The following TRERF1 variants were observed in gnomAD, a reference collection of about 807,000 sequenced individuals.
TRERF1 encodes the protein transcriptional-regulating factor 1.
Under a neutral mutation model 122.9 loss-of-function variants are expected in TRERF1, and 27 were observed. The observed-to-expected ratio is 0.22, with a 90% CI of 0.16 to 0.30. The LOEUF is 0.30. TRERF1 is among the 10% of genes least tolerant of loss of function. The pLI, the probability that TRERF1 is intolerant of heterozygous loss-of-function variation, is 1.00. For synonymous variants in TRERF1, 636 were observed against 641.7 expected (o/e 0.99, Z 0.13); for missense variants, 1,248 against 1,560.3 (o/e 0.80, Z 3.37).
intron 3 of TRERF1, among the ~76,000 whole-genome samples, chr6:42,359,448 A>G (rs983650130): frequency 6.6e-6 from 1 of 152,198 alleles, no homozygotes; most frequent in Admixed American, 6.5e-5. Flanking sequence ...AAAAATCGCT[A>G]GGTGCAGTGG....
At chr6:42,337,156 G>A (rs1381867543) in intron 3 of TRERF1, among the ~76,000 whole-genome samples, 3 of 152,192 alleles carry the variant, frequency 2.0e-5, no homozygotes, top group South Asian at 2.1e-4. Flanking sequence ...TACCCTGGAC[G>A]CTGCCCAAGA....
At position 42,263,294 on chromosome 6, in the gene TRERF1, T is replaced by C; in HGVS notation, c.1884+26A>G. ...GCGGGGGGCAGCCCCTTGGGGTGAG[T>C]GTGGGGGAGAGAGGGTCATCCTCAC... On this transcript the variant is annotated intron_variant, in intron 8 of 17. Coordinates refer to ENST00000372922, the Ensembl canonical transcript of TRERF1. The surrounding 1 kb of genome is among the most constrained non-coding windows in gnomAD (Gnocchi z 5.6). 1 of 1,596,026 alleles carries C rather than the reference T, an allele frequency of 6.3e-7. No homozygotes were observed. The highest frequency in any genetic ancestry group is 8.5e-7 in the Non-Finnish European group (1 of 1,170,312).
At chr6:42,373,489 A>T (rs1774161688) in intron 2 of TRERF1, among the ~76,000 whole-genome samples, 1 of 152,078 alleles carries the variant, frequency 6.6e-6, no homozygotes, top group African/African-American at 2.4e-5. Context: ...AACACAGTGA[A>T]ACCCCGTCTC....
intron 2 of TRERF1, among the ~76,000 whole-genome samples, chr6:42,389,059 A>G (rs1433562717): frequency 6.6e-6 from 1 of 152,222 alleles, no homozygotes; most frequent in East Asian, 1.9e-4. Context: ...AGAATGACAA[A>G]GACAAAATAC....
At chr6:42,437,961 T>C (rs558286358) in intron 2 of TRERF1, among the ~76,000 whole-genome samples, 108 of 152,080 alleles carry the variant, frequency 7.1e-4, no homozygotes, top group African/African-American at 2.4e-3. Flanking sequence ...TTACTCTGTC[T>C]CCCAGGTTCG....
At chr6:42,310,859 T>A (rs1487675814) in intron 3 of TRERF1, among the ~76,000 whole-genome samples, 1 of 152,162 alleles carries the variant, frequency 6.6e-6, no homozygotes, top group Non-Finnish European at 1.5e-5. Flanking sequence ...GTTTCCAGAA[T>A]AATCTATAAA....
intron 2 of TRERF1, among the ~76,000 whole-genome samples, chr6:42,383,046 C>A (rs1413524926): frequency 6.6e-6 from 1 of 152,040 alleles, no homozygotes; most frequent in African/African-American, 2.4e-5. Context: ...GATAGCAAGA[C>A]CCTGGCTCTC....
At chr6:42,423,747 C>A (rs1399784540) in intron 2 of TRERF1, among the ~76,000 whole-genome samples, 99 of 152,234 alleles carry the variant, frequency 6.5e-4, no homozygotes. Context: ...GTTTCCAAAG[C>A]AATGACAAAA....
chr6:42,392,931 T>TACACACACAC (rs58784390), intron 2 of TRERF1, among the ~76,000 whole-genome samples: 7,718 of 147,966 alleles, frequency 0.052, 481 homozygotes, highest in African/African-American at 0.15. Context: ...TACACACACA[T>TACACACACAC]ACACACACAC....
At chr6:42,373,783 A>G (rs1774240519) in intron 2 of TRERF1, among the ~76,000 whole-genome samples, 1 of 150,474 alleles carries the variant, frequency 6.6e-6, no homozygotes, top group Non-Finnish European at 1.5e-5. Flanking sequence ...GTGAGCCAAG[A>G]TTGCACCATT....
chr6:42,411,422 G>A (rs761946051), intron 2 of TRERF1, among the ~76,000 whole-genome samples: 32 of 152,198 alleles, frequency 2.1e-4, no homozygotes, highest in Admixed American at 1.4e-3. Flanking sequence ...ACAGGACAGG[G>A]TCTTGGTCCC....
chr6:42,352,532 A>C (rs2150842824), intron 3 of TRERF1, among the ~76,000 whole-genome samples: 1 of 152,356 alleles, frequency 6.6e-6, no homozygotes, highest in South Asian at 2.1e-4. Flanking sequence ...TGAAATCTTA[A>C]AATAGTGAAT....
intron 2 of TRERF1, among the ~76,000 whole-genome samples, chr6:42,438,331 C>T (rs902169576): frequency 1.6e-4 from 24 of 147,826 alleles, no homozygotes; most frequent in African/African-American, 3.9e-4. Context: ...TCCCCCTGGC[C>T]GGGGGCGGTG....
rs78813717 is a variant in TRERF1, at chr6:42,236,244, G to A, written c.3027C>T (p.Pro1009=). 1,069 of 1,608,148 alleles carry A rather than the reference G, an allele frequency of 6.6e-4. 3 individuals carry two copies. The African/African-American group carries it at 6.7e-3, about 10-fold the overall frequency. Residue 1009 remains proline (P), a synonymous_variant, in exon 16 of 18, where the codon CCC becomes CCT. Transcript: ENST00000372922. ...GCATTTCACAGATGAAGGAGCCTGA[G>A]GGCTGGCCCAGGGCCTGCAGGGGCG...
At chr6:42,229,328 G>C (rs1487613989) in intron 17 of TRERF1, among the ~76,000 whole-genome samples, 2 of 152,048 alleles carry the variant, frequency 1.3e-5, no homozygotes, top group African/African-American at 4.8e-5. Flanking sequence ...TGTAGAGATG[G>C]AGTCTTGCTA....
In TRERF1 at chr6:42,268,713, T is replaced by C; in HGVS notation, c.878A>G (p.Gln293Arg). The change falls in exon 5 of 18, where the codon CAA becomes CGA. Residue 293 changes from glutamine to arginine, a missense_variant. Physicochemically the swap from Gln to Arg is conservative, Grantham distance 43 (BLOSUM62 1). Transcript: ENST00000372922. This position sits in a 1 kb window ranked among gnomAD's most constrained non-coding sequence, Gnocchi z 4.4. ...CTGTGGCTGTGATGGGCGAATTTGTTGCGGCTGCGTCTGTATTTCTTGCAT... is the reference window on the plus strand; with the variant it reads ...CTGTGGCTGTGATGGGCGAATTTGTCGCGGCTGCGTCTGTATTTCTTGCAT... The C allele has an allele frequency of 6.2e-7, 1 of 1,614,028 alleles. No individual in the cohort carries two copies. The highest frequency in any genetic ancestry group is 2.2e-5 in the East Asian group (1 of 44,892).
chr6:42,301,987 A>G (rs1007734928), intron 3 of TRERF1, among the ~76,000 whole-genome samples: 1 of 152,134 alleles, frequency 6.6e-6, no homozygotes, highest in Non-Finnish European at 1.5e-5. Flanking sequence ...CTGTTTGGAG[A>G]TAGGTGGTGG....
At chr6:42,294,680 C>T (rs1014588710) in intron 4 of TRERF1, among the ~76,000 whole-genome samples, 3 of 152,140 alleles carry the variant, frequency 2.0e-5, no homozygotes, top group Non-Finnish European at 4.4e-5. Context: ...CCTGGGGCAC[C>T]TCCTGTCTCT....
chr6:42,370,303 G>A lies in TRERF1; in HGVS notation c.-453-7224C>T, dbSNP rs184220107. Among the ~76,000 whole-genome samples, 660 of 152,288 alleles carry A rather than the reference G, an allele frequency of 4.3e-3. 7 individuals carry two copies. Among genetic ancestry groups the A allele is most frequent in the African/African-American group, 0.015 (633 of 41,548 alleles). On this transcript the variant is annotated intron_variant, in intron 2 of 17. Transcript: ENST00000372922. The stretch of plus-strand genomic sequence containing the variant: ...ATTGTCTGGGAAGTATGCATGTCCA[G>A]GTTCTAAATGTAAACGATATCTGAG...
Sources: gnomAD v4.1 joint callset for allele counts (sites outside exome capture counted in the v4.1 genomes callset) on GRCh38, gnomAD v4.1.1 for gene constraint, Gnocchi (gnomAD v3.1) non-coding constraint, MANE v1.5 for transcripts, NCBI Gene and HGNC (gene_info 2026-07-23, HGNC 2026-07-21) for gene names.